Variants in CNTN2 observed in about 807,000 individuals in gnomAD.
The protein encoded by CNTN2 is contactin 2.
In CNTN2, 53 loss-of-function variants were observed where a neutral mutation model predicts 117.5. That is an observed-to-expected ratio of 0.45 (90% CI 0.36 to 0.57). The LOEUF is 0.57. Among genes scored for constraint, CNTN2 ranks in the 20% least tolerant of loss-of-function variants. The pLI, the probability that CNTN2 is intolerant of heterozygous loss-of-function variation, is 0.00. For synonymous variants in CNTN2, 530 were observed against 561.7 expected (o/e 0.94, Z 0.80); for missense variants, 1,106 against 1,404.3 (o/e 0.79, Z 3.39).
At position 205,071,219 on chromosome 1, in the gene CNTN2, T is replaced by C. The variant is rs186123280; in HGVS notation, c.2544+681T>C. On this transcript the variant is annotated intron_variant, in intron 19 of 22. Transcript: ENST00000331830. ...ACAGCCTGAGCCGCTCTATGGACAG[T>C]TGATCATCCTGTCCCGGGGGAATCT... is the stretch of plus-strand genomic sequence containing the variant. Among the ~76,000 whole-genome samples the C allele has an allele frequency of 5.3e-5, 8 of 152,174 alleles. No individual in the cohort carries two copies. The East Asian group carries it at 1.6e-3, about 30-fold the overall frequency.
intron 15 of CNTN2, 63 bp from the exon 16 acceptor site, chr1:205,067,038 C>A (rs1215232352): frequency 5.2e-6 from 8 of 1,550,062 alleles, no homozygotes; most frequent in Non-Finnish European, 7.0e-6. Flanking sequence ...CAGGCCAGTG[C>A]CTGCCCTCTG....
intron 20 of CNTN2, 120 bp from the exon 21 acceptor site, chr1:205,072,363 C>A: frequency 1.3e-6 from 1 of 768,060 alleles, no homozygotes; most frequent in Non-Finnish European, 2.1e-6. Flanking sequence ...GTGGGCATGA[C>A]AGAATGTGCT....
At chr1:205,069,756 T>C (rs1462095115) in intron 17 of CNTN2, 71 bp from the exon 18 acceptor site, 2 of 1,537,936 alleles carry the variant, frequency 1.3e-6, no homozygotes, top group African/African-American at 1.4e-5. Context: ...TGGCAAAGGT[T>C]GGGTGGGGCC....
At chr1:205,062,633 G>A in intron 10 of CNTN2, 64 bp downstream of exon 10, 1 of 1,549,682 alleles carries the variant, frequency 6.5e-7, no homozygotes, top group Non-Finnish European at 8.7e-7. Flanking sequence ...TCAGAGCTCT[G>A]AGTTTAGGTG....
intron 19 of CNTN2, 91 bp downstream of exon 19, chr1:205,070,629 T>C: frequency 2.3e-6 from 2 of 862,372 alleles, no homozygotes; most frequent in South Asian, 1.5e-5. Flanking sequence ...TCATTCCTCC[T>C]GGCGTCCCTG....
In CNTN2 at chr1:205,058,158, C is replaced by T. The variant is rs1354897516; in HGVS notation, c.216-23C>T. The T allele has an allele frequency of 1.9e-6, 3 of 1,592,160 alleles. No individual in the cohort carries two copies. Among genetic ancestry groups the T allele is most frequent in the Non-Finnish European group, 2.6e-6 (3 of 1,168,924 alleles). ...GCCACCAGGCAGGACTCAGAGGTCC[C>T]CTTCCTCTGTCCCCTGCTGCAGGTG... On this transcript the variant is annotated intron_variant, in intron 3 of 22. Coordinates refer to ENST00000331830, the MANE Select transcript of CNTN2 (RefSeq NM_005076.5). The surrounding 1 kb of genome is among the most constrained non-coding windows in gnomAD (Gnocchi z 4.3).
Position 205,064,854 on chromosome 1 carries a change from G to A in CNTN2, c.1519+104G>A. On this transcript the variant is annotated intron_variant, in intron 12 of 22. Transcript: ENST00000331830. ...CACATTGCTCCTAGTTTGGTGTCAA[G>A]GCCACCCCAGGATTCAGTTTTGCTT... 3 of 1,505,574 alleles carry A rather than the reference G, an allele frequency of 2.0e-6. No individual in the cohort carries two copies. The Admixed American group carries it at 5.5e-5, about 28-fold the overall frequency. 93.3% of individuals were successfully genotyped at this position (1,505,574 alleles called of 1,614,324 possible). A position where few individuals can be genotyped will look rare whatever the true frequency, so the allele number is the denominator to read the frequency against.
At chr1:205,052,067 C>A (rs2096453886) in intron 1 of CNTN2, among the ~76,000 whole-genome samples, 1 of 152,244 alleles carries the variant, frequency 6.6e-6, no homozygotes, top group Admixed American at 6.5e-5. Context: ...GGCTCTCTCC[C>A]CAAGCCCTGA....
In CNTN2 at chr1:205,073,324, C is replaced by T; in HGVS notation, c.3013+88C>T. 1 of 1,466,862 alleles carries T rather than the reference C, an allele frequency of 6.8e-7. No homozygotes were observed. Among genetic ancestry groups the T allele is most frequent in the Non-Finnish European group, 9.3e-7 (1 of 1,072,664 alleles). The allele number at this position is 1,466,862 out of a possible 1,614,324, so 90.9% of individuals were successfully genotyped here. On this transcript the variant is annotated intron_variant, in intron 22 of 22. Coordinates refer to ENST00000331830, the MANE Select transcript of CNTN2 (RefSeq NM_005076.5). This position sits in a 1 kb window ranked among gnomAD's most constrained non-coding sequence, Gnocchi z 6.3. ...GGATCATTCCCACCCAGGCCAACTC[C>T]AATCTCTACCCGCAAAGGAAAGTGG... is the stretch of plus-strand genomic sequence containing the variant.
At chr1:205,071,138 C>G (rs1365569654) in intron 19 of CNTN2, among the ~76,000 whole-genome samples, 1 of 152,192 alleles carries the variant, frequency 6.6e-6, no homozygotes, top group Non-Finnish European at 1.5e-5. Context: ...GGGGCATGGC[C>G]TGCCCCTTTC....
In CNTN2 at chr1:205,059,109, C is replaced by T. The variant is rs371187600; in HGVS notation, c.513C>T (p.Asn171=). 72 of 1,614,092 alleles carry T rather than the reference C, an allele frequency of 4.5e-5. No individual in the cohort carries two copies. The highest frequency in any genetic ancestry group is 4.2e-4 in the East Asian group (19 of 44,876). The change falls in exon 6 of 23, where the codon AAC becomes AAT. Residue 171 remains asparagine (N), a synonymous_variant. Coordinates refer to ENST00000331830, the MANE Select transcript of CNTN2 (RefSeq NM_005076.5). The surrounding 1 kb of genome is among the most constrained non-coding windows in gnomAD (Gnocchi z 5.6). ...GCTTGTCCTACCGCTGGCTCCTCAA[C>T]GAGTTCCCCAACTTCATCCCGACGG... ...YPGLSYRWLL[N]EFPNFIPTDG...
In CNTN2 at chr1:205,059,673, C is replaced by T. The variant is rs867161562; in HGVS notation, c.788C>T (p.Ala263Val). The change falls in exon 7 of 23, where the codon GCC becomes GTC. Residue 263 changes from alanine to valine, a missense_variant. Physicochemically the swap from Ala to Val is moderately conservative, Grantham distance 64 (BLOSUM62 0). Transcript: ENST00000331830. This position sits in a 1 kb window ranked among gnomAD's most constrained non-coding sequence, Gnocchi z 5.6. The part of the protein sequence containing the change: ...VGQQVTLECF[A>V]FGNPVPRIKW... ...CAGCAGGTCACCCTGGAGTGCTTCG[C>T]CTTTGGGAAGTGAGTGTGAAGAGGG... 2 of 1,612,876 alleles carry T rather than the reference C, an allele frequency of 1.2e-6. No individual in the cohort carries two copies. The highest frequency in any genetic ancestry group is 1.7e-6 in the Non-Finnish European group (2 of 1,179,692).
intron 7 of CNTN2, chr1:205,060,995 C>A: frequency 2.2e-6 from 1 of 463,456 alleles, no homozygotes. Context: ...AGAAGCCCGG[C>A]TTCACTGGCT....
intron 20 of CNTN2, 162 bp from the exon 21 acceptor site, chr1:205,072,321 T>C: frequency 1.2e-6 from 1 of 828,468 alleles, no homozygotes; most frequent in Non-Finnish European, 1.9e-6. Context: ...CTCACACTTC[T>C]CCAACCTTTG....
At chr1:205,052,089 T>A (rs2096453927) in intron 1 of CNTN2, among the ~76,000 whole-genome samples, 1 of 152,210 alleles carries the variant, frequency 6.6e-6, no homozygotes, top group South Asian at 2.1e-4. Context: ...CCCCTCCCAC[T>A]GCTCTTAAGT....
In CNTN2 at chr1:205,057,980, C is replaced by T. The variant is rs1412752100; in HGVS notation, c.130C>T (p.Leu44Phe). Residue 44 changes from leucine (L) to phenylalanine (F), a missense_variant, in exon 3 of 23, where the codon CTC becomes TTC. Coordinates refer to ENST00000331830, the MANE Select transcript of CNTN2 (RefSeq NM_005076.5). ...TFGPVFEDQP[L>F]SVLFPEESTE... is the part of the protein sequence containing the mutation. Reference sequence around the variant, plus strand: ...CGGGCCTGTCTTTGAAGACCAGCCCCTCAGTGTGCTATTCCCAGAGGAGTC... The same window carrying T: ...CGGGCCTGTCTTTGAAGACCAGCCCTTCAGTGTGCTATTCCCAGAGGAGTC... 2 of 1,614,074 alleles carry T rather than the reference C, an allele frequency of 1.2e-6. No individual in the cohort carries two copies. Among genetic ancestry groups the T allele is most frequent in the Non-Finnish European group, 1.7e-6 (2 of 1,180,054 alleles).
intron 1 of CNTN2, among the ~76,000 whole-genome samples, chr1:205,046,748 T>C (rs1209331268): frequency 6.6e-6 from 1 of 152,122 alleles, no homozygotes; most frequent in Non-Finnish European, 1.5e-5. Context: ...AAACCATTGT[T>C]CTTACGCCTG....
At position 205,065,316 on chromosome 1, in the gene CNTN2, G is replaced by A. The variant is rs3862945; in HGVS notation, c.1695+54G>A. On this transcript the variant is annotated intron_variant, in intron 13 of 22. Transcript: ENST00000331830. This position sits in a 1 kb window ranked among gnomAD's most constrained non-coding sequence, Gnocchi z 4.1. Reference sequence around the variant, plus strand: ...TTCTCCCTCCTTCTAGAGAGACAGGGGCCCCAAGATGTCCTTAGCCATCCT... The same window carrying A: ...TTCTCCCTCCTTCTAGAGAGACAGGAGCCCCAAGATGTCCTTAGCCATCCT... The A allele has an allele frequency of 5.5e-4, 878 of 1,597,646 alleles. 10 individuals carry two copies. The East Asian group carries it at 0.014, about 25-fold the overall frequency.
chr1:205,057,759 A>G, intron 2 of CNTN2, 162 bp from the exon 3 acceptor site: 1 of 636,712 alleles, frequency 1.6e-6, no homozygotes, highest in South Asian at 2.8e-5. Flanking sequence ...CCACATGTCA[A>G]GTGCTCGATA....
Sources: gnomAD v4.1 joint callset for allele counts (sites outside exome capture counted in the v4.1 genomes callset) on GRCh38, gnomAD v4.1.1 for gene constraint, Gnocchi (gnomAD v3.1) non-coding constraint, MANE v1.5 for transcripts, NCBI Gene and HGNC (gene_info 2026-07-23, HGNC 2026-07-21) for gene names.